Variants in GPC6 observed in about 807,000 individuals in gnomAD.
GPC6 encodes the protein glypican 6, also known as glypican-6.
In GPC6, 14 loss-of-function variants were observed where a neutral mutation model predicts 55.2. The ratio of observed to expected loss-of-function variants is 0.25; its 90% confidence interval spans 0.17 to 0.40. GPC6 has a LOEUF of 0.40. GPC6 is among the 10% of genes least tolerant of loss of function. The pLI, the probability that GPC6 is intolerant of heterozygous loss-of-function variation, is 1.00. For missense variants in GPC6, 641 were observed against 708.5 expected (o/e 0.90, Z 1.08); for synonymous variants, 278 against 259.6 (o/e 1.07, Z -0.68).
At chr13:94,367,778 T>C (rs1879346423) in intron 6 of GPC6, among the ~76,000 whole-genome samples, 1 of 152,178 alleles carries the variant, frequency 6.6e-6, no homozygotes, top group South Asian at 2.1e-4. Flanking sequence ...AAAGATTCAC[T>C]TCCTACTTTT....
chr13:94,176,926 T>A (rs1455115723), intron 4 of GPC6, among the ~76,000 whole-genome samples: 2 of 152,216 alleles, frequency 1.3e-5, no homozygotes, highest in African/African-American at 4.8e-5. Context: ...AACTTCCGCA[T>A]GTGATGTTAT....
At chr13:93,647,854 G>T (rs1016322685) in intron 2 of GPC6, among the ~76,000 whole-genome samples, 1 of 152,120 alleles carries the variant, frequency 6.6e-6, no homozygotes, top group Non-Finnish European at 1.5e-5. Context: ...AGTCCTGAGA[G>T]ACCATGTCAT....
intron 3 of GPC6, among the ~76,000 whole-genome samples, chr13:93,879,806 T>A (rs1237031323): frequency 9.9e-5 from 15 of 151,910 alleles, no homozygotes; most frequent in African/African-American, 2.9e-4. Context: ...AATTTTCGCA[T>A]CCTACTCATC....
At chr13:93,745,304 C>A (rs189003248) in intron 2 of GPC6, among the ~76,000 whole-genome samples, 108 of 152,170 alleles carry the variant, frequency 7.1e-4, no homozygotes, top group Admixed American at 1.4e-3. Context: ...TGTCCCATGC[C>A]TTTTCACCAT....
intron 2 of GPC6, among the ~76,000 whole-genome samples, chr13:93,728,836 G>A (rs188499266): frequency 1.3e-5 from 2 of 151,770 alleles, no homozygotes; most frequent in East Asian, 3.9e-4. Flanking sequence ...CCAAAGTGCT[G>A]AGATTACAGG....
chr13:94,337,667 T>A (rs550324563), intron 6 of GPC6, among the ~76,000 whole-genome samples: 4 of 152,256 alleles, frequency 2.6e-5, no homozygotes, highest in Admixed American at 1.3e-4. Flanking sequence ...AGGCTGGTCT[T>A]GATCTCCCGA....
intron 4 of GPC6, among the ~76,000 whole-genome samples, chr13:94,196,711 G>A (rs113686131): frequency 6.6e-6 from 1 of 152,096 alleles, no homozygotes; most frequent in African/African-American, 2.4e-5. Context: ...ACGAGAGTTG[G>A]CATAACCCCA....
At chr13:93,963,602 C>T (rs1294875039) in intron 3 of GPC6, among the ~76,000 whole-genome samples, 1 of 152,114 alleles carries the variant, frequency 6.6e-6, no homozygotes, top group Non-Finnish European at 1.5e-5. Flanking sequence ...AATCAGTGGT[C>T]ATTTAAAAAA....
At chr13:94,225,893 C>T (rs1038434058) in intron 4 of GPC6, among the ~76,000 whole-genome samples, 5 of 152,082 alleles carry the variant, frequency 3.3e-5, no homozygotes, top group Admixed American at 1.3e-4. Flanking sequence ...TTTGTGTTTC[C>T]AGTGGGCAAG....
chr13:93,349,323 G>C (rs547899688), intron 1 of GPC6, among the ~76,000 whole-genome samples: 5 of 152,112 alleles, frequency 3.3e-5, no homozygotes, highest in African/African-American at 1.2e-4. Context: ...AGATTTTCAA[G>C]AATCTATCCT....
intron 4 of GPC6, among the ~76,000 whole-genome samples, chr13:94,271,759 C>T (rs140258863): frequency 3.1e-4 from 47 of 152,220 alleles, no homozygotes; most frequent in African/African-American, 1.1e-3. Flanking sequence ...CTCTCTTTCT[C>T]TGTCTCCCCC....
chr13:93,769,979 T>C (rs1885240048), intron 2 of GPC6, among the ~76,000 whole-genome samples: 1 of 152,162 alleles, frequency 6.6e-6, no homozygotes, highest in Non-Finnish European at 1.5e-5. Context: ...TCACCAACCA[T>C]TATGGTTTGC....
At chr13:93,216,751 G>T in the GPC6 span, among the ~76,000 whole-genome samples, 2 of 152,136 alleles carry the variant, frequency 1.3e-5, no homozygotes, top group African/African-American at 4.8e-5. Flanking sequence ...CTCTGGGAAG[G>T]CAGGTATGTC....
At chr13:93,395,911 A>G (rs1875837125) in intron 1 of GPC6, 1 of 152,268 alleles carries the variant, frequency 6.6e-6, no homozygotes, top group African/African-American at 2.4e-5. Flanking sequence ...CTGGTAAAGT[A>G]TAACTTTTAA....
At chr13:93,576,674 G>A (rs1386876647) in intron 2 of GPC6, among the ~76,000 whole-genome samples, 1 of 151,898 alleles carries the variant, frequency 6.6e-6, no homozygotes, top group Non-Finnish European at 1.5e-5. Context: ...ATTTCCTGAG[G>A]TACAATAAAA....
intron 6 of GPC6, among the ~76,000 whole-genome samples, chr13:94,345,186 T>C (rs1313032667): frequency 6.6e-6 from 1 of 152,192 alleles, no homozygotes; most frequent in African/African-American, 2.4e-5. Context: ...AGTCGAATTA[T>C]TTCAAATTTG....
At chr13:94,089,969 C>G (rs1299395095) in intron 4 of GPC6, among the ~76,000 whole-genome samples, 1 of 152,054 alleles carries the variant, frequency 6.6e-6, no homozygotes, top group Non-Finnish European at 1.5e-5. Context: ...CTAAGTCATC[C>G]TGATTTTCCT....
At chr13:94,341,562 G>C (rs9524447) in intron 6 of GPC6, among the ~76,000 whole-genome samples, 12,659 of 143,988 alleles carry the variant, frequency 0.088, 602 homozygotes, top group African/African-American at 0.11. Flanking sequence ...TCCAGCCTGG[G>C]CAACAAAAGC....
intron 4 of GPC6, among the ~76,000 whole-genome samples, chr13:94,275,384 G>A (rs1019469693): frequency 6.6e-6 from 1 of 152,162 alleles, no homozygotes; most frequent in African/African-American, 2.4e-5. Context: ...ATAAGAGAAT[G>A]AGTTACGTCT....
Sources: gnomAD v4.1 joint callset for allele counts (sites outside exome capture counted in the v4.1 genomes callset) on GRCh38, gnomAD v4.1.1 for gene constraint, MANE v1.5 for transcripts, NCBI Gene and HGNC (gene_info 2026-07-23, HGNC 2026-07-21) for gene names.